Variants in LEPR observed in about 807,000 individuals in gnomAD.
LEPR encodes OB receptor.
In LEPR, 56 loss-of-function variants were observed where a neutral mutation model predicts 114.7. The ratio of observed to expected loss-of-function variants is 0.49; its 90% CI spans 0.39 to 0.61. The LOEUF (loss-of-function observed/expected upper bound fraction) is 0.61, where lower values mean the gene tolerates loss of function less well. Among genes scored for constraint, LEPR ranks in the 20% least tolerant of loss-of-function variants. The pLI is 0.00. For synonymous variants in LEPR, 443 were observed against 461.4 expected (o/e 0.96, Z 0.51); for missense variants, 1,202 against 1,352.9 (o/e 0.89, Z 1.75).
At chr1:65,552,981 A>G (rs2767483) in intron 2 of LEPR, among the ~76,000 whole-genome samples, 99,657 of 151,940 alleles carry the variant, frequency 0.66, 33,804 homozygotes, top group Middle Eastern at 0.78. Flanking sequence ...ATGAAGCTTA[A>G]TTTGGCTGGA....
At chr1:65,557,988 G>C (rs574255853) in intron 2 of LEPR, among the ~76,000 whole-genome samples, 1 of 152,268 alleles carries the variant, frequency 6.6e-6, no homozygotes, top group African/African-American at 2.4e-5. Flanking sequence ...GAAAACTGCT[G>C]ATCTATTTGA....
rs1658755937 is a variant in LEPR, at chr1:65,637,471, A to C, written c.*456A>C. 6.3e-6 allele frequency: 1 copy of C among 158,374 alleles called. No individual in the cohort carries two copies. The highest frequency in any genetic ancestry group is 1.8e-4 in the East Asian group (1 of 5,454). 9.8% of individuals were successfully genotyped at this position (158,374 alleles called of 1,614,324 possible). A position where few individuals can be genotyped will look rare whatever the true frequency, so the allele number is the denominator to read the frequency against. On this transcript the variant is annotated 3_prime_UTR_variant, in exon 20 of 20. Transcript: ENST00000349533. ...TAGGATTTGAAGTAGGACTTTCCTA[A>C]ATGTTTAAGATAAACAGAATTCAGC...
At chr1:65,590,884 CTT>C (rs35969506) in intron 5 of LEPR, among the ~76,000 whole-genome samples, 74,612 of 146,998 alleles carry the variant, frequency 0.51, 19,459 homozygotes, top group East Asian at 0.87. Flanking sequence ...TGAATTTGCT[CTT>C]TTTTTTTTTT....
intron 2 of LEPR, among the ~76,000 whole-genome samples, chr1:65,439,197 G>A (rs993269026): frequency 2.0e-5 from 3 of 152,132 alleles, no homozygotes; most frequent in East Asian, 3.9e-4. Flanking sequence ...TCAATTTTCC[G>A]CAACATGATT....
At chr1:65,510,933 G>A (rs886388980) in intron 2 of LEPR, among the ~76,000 whole-genome samples, 2 of 152,108 alleles carry the variant, frequency 1.3e-5, no homozygotes, top group African/African-American at 2.4e-5. Flanking sequence ...ATTCATCTCT[G>A]AGGACTGAAC....
chr1:65,547,482 A>C (rs1557653819), intron 2 of LEPR, among the ~76,000 whole-genome samples: 1 of 151,768 alleles, frequency 6.6e-6, no homozygotes, highest in Non-Finnish European at 1.5e-5. Context: ...CCACAATTTC[A>C]GATCCTGTTA....
chr1:65,558,598 T>C (rs1384222300), intron 2 of LEPR, among the ~76,000 whole-genome samples: 2 of 69,452 alleles, frequency 2.9e-5, no homozygotes, highest in Non-Finnish European at 5.8e-5. Flanking sequence ...GTGCACATTG[T>C]GCAGGTTAGT....
intron 3 of LEPR, 21 bp from the exon 4 acceptor site, chr1:65,570,452 G>C (rs761290197): frequency 6.2e-7 from 1 of 1,607,304 alleles, no homozygotes; most frequent in African/African-American, 1.3e-5. Context: ...TTTTCTATGT[G>C]TCTTTTTAAT....
intron 2 of LEPR, among the ~76,000 whole-genome samples, chr1:65,493,434 A>C (rs897441917): frequency 1.3e-5 from 2 of 152,154 alleles, no homozygotes; most frequent in Admixed American, 1.3e-4. Flanking sequence ...TCCAGAATCC[A>C]ATCTTGCCTG....
At chr1:65,451,994 A>G (rs1646792332) in intron 2 of LEPR, among the ~76,000 whole-genome samples, 1 of 151,026 alleles carries the variant, frequency 6.6e-6, no homozygotes, top group Non-Finnish European at 1.5e-5. Flanking sequence ...GGTCCTTCAC[A>G]TCCCTTGTAA....
At chr1:65,501,421 C>T (rs1648445280) in intron 2 of LEPR, among the ~76,000 whole-genome samples, 2 of 151,056 alleles carry the variant, frequency 1.3e-5, no homozygotes, top group South Asian at 4.2e-4. Context: ...CACTGGTGTC[C>T]TTAAAAGAAG....
rs567040942 is a variant in LEPR at position 65,639,406 on chromosome 1, A to G, written c.*2391A>G. Reference sequence around the variant, plus strand: ...TAGACTTAGATCATATTTATTGTCAATGGGCTTGAATTCTGATTTCCACTT... The same window carrying G: ...TAGACTTAGATCATATTTATTGTCAGTGGGCTTGAATTCTGATTTCCACTT... On this transcript the variant is annotated 3_prime_UTR_variant, in exon 20 of 20. Transcript: ENST00000349533. 6.6e-6 allele frequency: 1 copy of G among 152,318 alleles called. No individual in the cohort carries two copies. The highest frequency in any genetic ancestry group is 1.9e-4 in the East Asian group (1 of 5,188). The allele number at this position is 152,318 out of a possible 1,614,324, so 9.4% of individuals were successfully genotyped here.
At chr1:65,495,373 CTG>C (rs1648101267) in intron 2 of LEPR, among the ~76,000 whole-genome samples, 1 of 152,156 alleles carries the variant, frequency 6.6e-6, no homozygotes, top group African/African-American at 2.4e-5. Flanking sequence ...GTTAGAATGA[CTG>C]TTGTCAAAAA....
chr1:65,634,363 G>A, intron 19 of LEPR: 1 of 974,066 alleles, frequency 1.0e-6, no homozygotes, highest in Non-Finnish European at 1.2e-6. Flanking sequence ...TAAAATCTAA[G>A]TATGAAATTA....
chr1:65,576,683 G>A (rs1486483965), intron 5 of LEPR: 1 of 162,734 alleles, frequency 6.1e-6, no homozygotes, highest in Non-Finnish European at 1.3e-5. Flanking sequence ...TTCCTCTCCA[G>A]ATTAAGTCTT....
intron 2 of LEPR, among the ~76,000 whole-genome samples, chr1:65,546,302 G>C (rs1162428431): frequency 6.6e-6 from 1 of 152,114 alleles, no homozygotes; most frequent in East Asian, 1.9e-4. Flanking sequence ...CTCTTTTTTG[G>C]TTCCATGTGA....
At chr1:65,598,919 A>G (rs971575755) in intron 8 of LEPR, 115 bp downstream of exon 8, 3 of 1,478,412 alleles carry the variant, frequency 2.0e-6, no homozygotes, top group Non-Finnish European at 2.8e-6. Flanking sequence ...GGAACACAGT[A>G]TCAACTTCCT....
At chr1:65,608,617 A>G in intron 11 of LEPR, 136 bp from the exon 12 acceptor site, 1 of 1,016,532 alleles carries the variant, frequency 9.8e-7, no homozygotes, top group Non-Finnish European at 1.4e-6. Context: ...TAGGGAAACA[A>G]ATGAGATAAT....
chr1:65,620,092 C>A, intron 17 of LEPR, 69 bp downstream of exon 17: 1 of 1,165,984 alleles, frequency 8.6e-7, no homozygotes, highest in South Asian at 1.3e-5. Context: ...GTAATATTGC[C>A]ATCTGATTAT....
Sources: gnomAD v4.1 joint callset for allele counts (sites outside exome capture counted in the v4.1 genomes callset) on GRCh38, gnomAD v4.1.1 for gene constraint, MANE v1.5 for transcripts, NCBI Gene and HGNC (gene_info 2026-07-23, HGNC 2026-07-21) for gene names.